CDH11: variants seen among roughly 807,000 people sequenced by gnomAD.
CDH11 encodes cadherin-11.
In CDH11, 11 loss-of-function variants were observed where a neutral mutation model predicts 67.8. The ratio of observed to expected loss-of-function variants is 0.16; its 90% CI spans 0.10 to 0.27. The LOEUF is 0.27. CDH11 is among the 10% of genes least tolerant of loss of function. The pLI is 1.00. For synonymous variants in CDH11, 419 were observed against 400.0 expected, an observed-to-expected ratio of 1.05 and a Z score of -0.57; for missense variants, 847 against 1,031.2, an observed-to-expected ratio of 0.82 and a Z score of 2.45.
intron 2 of CDH11, among the ~76,000 whole-genome samples, chr16:65,015,444 G>T (rs1394375326): frequency 7.1e-6 from 1 of 140,698 alleles, no homozygotes; most frequent in Non-Finnish European, 1.6e-5. Flanking sequence ...AATAAAGAGT[G>T]AAAAAAAAAA....
intron 1 of CDH11, among the ~76,000 whole-genome samples, chr16:65,118,069 G>A (rs1465255611): frequency 6.6e-6 from 1 of 152,164 alleles, no homozygotes; most frequent in Non-Finnish European, 1.5e-5. Flanking sequence ...TCTCCTGAGA[G>A]GGCCAGACAA....
Position 64,945,332 on chromosome 16 carries a change from C to T in CDH11, c.*2271G>A. 7 of 531,636 alleles carry T rather than the reference C, an allele frequency of 1.3e-5. No individual in the cohort carries two copies. Among genetic ancestry groups the T allele is most frequent in the Non-Finnish European group, 1.7e-5 (7 of 410,338 alleles). 32.9% of individuals were successfully genotyped at this position (531,636 alleles called of 1,614,324 possible). On this transcript the variant is annotated 3_prime_UTR_variant, in exon 13 of 13. Coordinates refer to ENST00000268603, the MANE Select transcript of CDH11 (RefSeq NM_001797.4). The stretch of plus-strand genomic sequence containing the variant: ...AAAAAAAAAAAAAGAAAAAGAAAAA[C>T]AAGTATTCTTAACTACTGAAAAGTA...
At chr16:65,081,442 G>T (rs989870867) in intron 1 of CDH11, among the ~76,000 whole-genome samples, 1 of 152,046 alleles carries the variant, frequency 6.6e-6, no homozygotes, top group African/African-American at 2.4e-5. Context: ...GGTGGCGGGC[G>T]CCTGTAGTCC....
chr16:65,069,570 G>T (rs1004894463), intron 1 of CDH11, among the ~76,000 whole-genome samples: 1 of 152,052 alleles, frequency 6.6e-6, no homozygotes, highest in African/African-American at 2.4e-5. Context: ...CCTCTTTTTT[G>T]TACAGCCAGG....
At chr16:65,115,106 T>C (rs2075220470) in intron 1 of CDH11, among the ~76,000 whole-genome samples, 1 of 152,142 alleles carries the variant, frequency 6.6e-6, no homozygotes, top group Non-Finnish European at 1.5e-5. Flanking sequence ...AATATCTCAA[T>C]ATGGCATGCT....
chr16:65,089,997 C>G (rs2074768414), intron 1 of CDH11, among the ~76,000 whole-genome samples: 1 of 152,020 alleles, frequency 6.6e-6, no homozygotes, highest in Non-Finnish European at 1.5e-5. Context: ...ATGCAAATTA[C>G]AGGAAACTTT....
In CDH11 at chr16:65,031,339, G is replaced by C. The variant is rs1440941593; in HGVS notation, c.-173+22465C>G. Among the ~76,000 whole-genome samples, 3 of 152,192 alleles carry C rather than the reference G, an allele frequency of 2.0e-5. No individual in the cohort carries two copies. In the East Asian group the frequency reaches 5.8e-4, roughly 29 times the overall value. ...TCACTGATAGGCTAATGGTGGTGTT[G>C]GCTTGGTGGGAGGTAGCACAGAAAA... is the stretch of plus-strand genomic sequence containing the variant. On this transcript the variant is annotated intron_variant, in intron 2 of 12. Coordinates refer to ENST00000268603, the MANE Select transcript of CDH11 (RefSeq NM_001797.4).
intron 2 of CDH11, among the ~76,000 whole-genome samples, chr16:65,019,591 C>T (rs749251770): frequency 2.6e-5 from 4 of 152,082 alleles, no homozygotes; most frequent in East Asian, 3.9e-4. Context: ...AAGTTTAATT[C>T]GTTTGACCAT....
chr16:65,009,799 T>A (rs2073138744), intron 2 of CDH11, among the ~76,000 whole-genome samples: 1 of 152,178 alleles, frequency 6.6e-6, no homozygotes, highest in African/African-American at 2.4e-5. Context: ...ATAAATGTTG[T>A]TGAAAGTCAC....
chr16:64,947,846 A>G lies in CDH11; in HGVS notation c.2148T>C (p.Asp716=), dbSNP rs2142363309. 6.2e-7 allele frequency: 1 copy of G among 1,614,186 alleles called. No homozygotes were observed. Among genetic ancestry groups the G allele is most frequent in the African/African-American group, 1.3e-5 (1 of 75,054 alleles). ...PGLRPAPNSV[D]VDDFINTRIQ... ...TTCTCGTGTTGATGAAGTCATCGAC[A>G]TCCACGCTGTTGGGCGCTGGCCGGA... Residue 716 remains aspartate, a synonymous_variant, in exon 13 of 13, where the codon GAT becomes GAC. Transcript: ENST00000268603.
chr16:65,004,342 C>T (rs1169281478), intron 3 of CDH11, among the ~76,000 whole-genome samples: 1 of 152,138 alleles, frequency 6.6e-6, no homozygotes, highest in Non-Finnish European at 1.5e-5. Context: ...TACTGCATGC[C>T]AGTCTGGGCA....
chr16:65,097,848 A>C (rs1280916299), intron 1 of CDH11, among the ~76,000 whole-genome samples: 1 of 152,142 alleles, frequency 6.6e-6, no homozygotes, highest in Non-Finnish European at 1.5e-5. Context: ...AAAATTTTTA[A>C]AAATAAGAGG....
intron 7 of CDH11, chr16:64,985,382 T>C (rs1472786630): frequency 7.2e-5 from 11 of 152,188 alleles, no homozygotes; most frequent in Admixed American, 7.2e-4. Context: ...CCTTGAATTT[T>C]AACAAGTTTG....
chr16:65,046,917 G>C (rs1191271460), intron 2 of CDH11, among the ~76,000 whole-genome samples: 1 of 152,134 alleles, frequency 6.6e-6, no homozygotes, highest in East Asian at 1.9e-4. Context: ...AGACCAGCCT[G>C]GCCGATGTAG....
intron 2 of CDH11, among the ~76,000 whole-genome samples, chr16:65,049,515 T>C: frequency 6.6e-6 from 1 of 152,074 alleles, no homozygotes; most frequent in East Asian, 1.9e-4. Context: ...AGATAATAAA[T>C]GTAAAGCACA....
At chr16:65,016,772 A>G (rs1311869996) in intron 2 of CDH11, among the ~76,000 whole-genome samples, 1 of 152,202 alleles carries the variant, frequency 6.6e-6, no homozygotes, top group Non-Finnish European at 1.5e-5. Context: ...TGAATCAAAC[A>G]GTGGCTACTC....
intron 1 of CDH11, among the ~76,000 whole-genome samples, chr16:65,078,678 C>T (rs1397916387): frequency 6.6e-6 from 1 of 152,110 alleles, no homozygotes; most frequent in African/African-American, 2.4e-5. Context: ...TTATCAGGTG[C>T]TGTTTTCTGC....
Position 64,944,976 on chromosome 16 carries a change from A to G in CDH11, c.*2627T>C. On this transcript the variant is annotated 3_prime_UTR_variant, in exon 13 of 13. Coordinates refer to ENST00000268603, the MANE Select transcript of CDH11 (RefSeq NM_001797.4). ...AAAAGATGTCAGAAAAGGTAGTAAGATTCATTCTGAATCCTCCAGTAAGTG... is the reference window on the plus strand; with the variant it reads ...AAAAGATGTCAGAAAAGGTAGTAAGGTTCATTCTGAATCCTCCAGTAAGTG... The G allele has an allele frequency of 4.7e-6, 1 of 213,028 alleles. No individual in the cohort carries two copies. Among genetic ancestry groups the G allele is most frequent in the Non-Finnish European group, 9.5e-6 (1 of 105,290 alleles). 13.2% of individuals were successfully genotyped at this position (213,028 alleles called of 1,614,324 possible).
At chr16:64,961,078 G>T (rs958090495) in intron 11 of CDH11, among the ~76,000 whole-genome samples, 1 of 152,064 alleles carries the variant, frequency 6.6e-6, no homozygotes, top group Non-Finnish European at 1.5e-5. Context: ...CTTTTAGGAC[G>T]CTTCCTGGCA....
Sources: gnomAD v4.1 joint callset for allele counts (sites outside exome capture counted in the v4.1 genomes callset) on GRCh38, gnomAD v4.1.1 for gene constraint, MANE v1.5 for transcripts, NCBI Gene and HGNC (gene_info 2026-07-23, HGNC 2026-07-21) for gene names.